PFKL: variants seen among roughly 807,000 people sequenced by gnomAD.
PFKL encodes the protein ATP-dependent 6-phosphofructokinase, liver type.
Under a neutral mutation model 92.1 loss-of-function variants are expected in PFKL, and 74 were observed. The ratio of observed to expected loss-of-function variants is 0.80; its 90% CI spans 0.67 to 0.97. The LOEUF is 0.97. Ranked by LOEUF, PFKL falls within the 50% of genes least tolerant of loss-of-function variation. The pLI is 0.00. For missense variants in PFKL, 1,028 were observed against 1,116.6 expected (o/e 0.92, Z 1.13); for synonymous variants, 494 against 456.4 (o/e 1.08, Z -1.05).
intron 3 of PFKL, 82 bp downstream of exon 3, chr21:44,311,165 C>T (rs373498176): frequency 4.9e-6 from 5 of 1,027,246 alleles, no homozygotes; most frequent in Non-Finnish European, 7.3e-6. Context: ...CACAGACACA[C>T]ACACAGAGAC....
chr21:44,319,026 G>A (rs918271447), intron 10 of PFKL, among the ~76,000 whole-genome samples: 9 of 152,128 alleles, frequency 5.9e-5, no homozygotes, highest in African/African-American at 1.9e-4. Context: ...AGGCAGAGGC[G>A]AGGGGGCCGG....
chr21:44,307,159 C>T (rs2040974407), intron 2 of PFKL: 2 of 449,674 alleles, frequency 4.4e-6, no homozygotes, highest in African/African-American at 2.1e-5. Context: ...ACCTCACCGC[C>T]TCTGCCCTTG....
intron 7 of PFKL, 71 bp downstream of exon 7, chr21:44,314,092 G>A (rs2047132418): frequency 1.0e-6 from 1 of 983,388 alleles, no homozygotes; most frequent in Non-Finnish European, 1.6e-6. Context: ...GGGGTTTTGG[G>A]ACCAGCCTTG....
chr21:44,325,847 G>C (rs2047491416), intron 19 of PFKL, 114 bp from the exon 20 acceptor site: 1 of 684,114 alleles, frequency 1.5e-6, no homozygotes, highest in African/African-American at 1.8e-5. Context: ...TGGAAGGAAT[G>C]GGTGTTCACA....
chr21:44,312,886 A>G, intron 4 of PFKL, 92 bp from the exon 5 acceptor site: 1 of 1,386,542 alleles, frequency 7.2e-7, no homozygotes, highest in Non-Finnish European at 1.0e-6. Context: ...CACGCCTGGG[A>G]TGCGGGGGAA....
rs78933036 is a variant in PFKL at position 44,325,635 on chromosome 21, G to T, written c.1990-326G>T. ...CTGGGGTTTTCTGAGCCAGGGAGGG[G>T]AGTCAGGGTGGCTGGGCATGGGGCC... On this transcript the variant is annotated intron_variant, in intron 19 of 21. Coordinates refer to ENST00000349048, the MANE Select transcript of PFKL (RefSeq NM_002626.6). 1,591 of 492,456 alleles carry T rather than the reference G, an allele frequency of 3.2e-3. 19 individuals are homozygous for T. The highest frequency in any genetic ancestry group is 0.027 in the African/African-American group (1,386 of 52,084). The allele number at this position is 492,456 out of a possible 1,614,324, so 30.5% of individuals were successfully genotyped here.
At chr21:44,305,451 G>A in intron 1 of PFKL, 1 of 1,300,310 alleles carries the variant, frequency 7.7e-7, no homozygotes, top group Non-Finnish European at 1.0e-6. Flanking sequence ...GTACAGGGGG[G>A]TGGGAGGGCA....
intron 2 of PFKL, chr21:44,307,347 TTGCGCTCACACA>T: frequency 1.0e-6 from 1 of 979,568 alleles, no homozygotes; most frequent in Non-Finnish European, 1.2e-6. Context: ...ACACCCACAC[TTGCGCTCACACA>T]TGTGCACACA....
At position 44,312,171 on chromosome 21, in the gene PFKL, G is replaced by A; in HGVS notation, c.304G>A (p.Ala102Thr). Residue 102 changes from alanine (A) to threonine (T), a missense_variant, in exon 4 of 22, where the codon GCC becomes ACC. Physicochemically the swap from Ala to Thr is moderately conservative, Grantham distance 58 (BLOSUM62 0). Coordinates refer to ENST00000349048, the MANE Select transcript of PFKL (RefSeq NM_002626.6). ...FTTREGRRAA[A>T]YNLVQHGITN... ...CACCAGGGAGGGGCGCCGGGCAGCG[G>A]CCTACAACCTGGTCCAGCACGGCAT... 6.3e-7 allele frequency: 1 copy of A among 1,599,204 alleles called. No individual in the cohort carries two copies. The highest frequency in any genetic ancestry group is 8.5e-7 in the Non-Finnish European group (1 of 1,173,786).
intron 1 of PFKL, chr21:44,305,936 G>A (rs534184894): frequency 2.2e-6 from 3 of 1,359,596 alleles, no homozygotes; most frequent in African/African-American, 3.0e-5. Context: ...AGGCTGGGGG[G>A]TGAGGGTCCC....
intron 7 of PFKL, 131 bp downstream of exon 7, chr21:44,314,152 T>G: frequency 3.0e-6 from 2 of 676,270 alleles, no homozygotes; most frequent in Non-Finnish European, 5.1e-6. Flanking sequence ...AGGTGCCCCT[T>G]GGGGGCGGGA....
chr21:44,308,695 G>A (rs1263697758), intron 2 of PFKL, among the ~76,000 whole-genome samples: 1 of 151,736 alleles, frequency 6.6e-6, no homozygotes, highest in Non-Finnish European at 1.5e-5. Context: ...CTGAGTAGCT[G>A]GGATTACAGG....
chr21:44,306,689 G>T lies in PFKL; in HGVS notation c.94G>T (p.Ala32Ser). Residue 32 changes from alanine (A) to serine (S), a missense_variant, in exon 2 of 22, where the codon GCT (alanine) becomes TCT (serine). By Grantham distance (99) the Ala-to-Ser change is moderately conservative. Transcript: ENST00000349048. ...TGCCCTGACCTCCACAGGCATGAACGCTGCTGTCCGGGCTGTGACGCGCAT... is the reference window on the plus strand; with the variant it reads ...TGCCCTGACCTCCACAGGCATGAACTCTGCTGTCCGGGCTGTGACGCGCAT... ...TSGGDAQGMNAAVRAVTRMGI... is the reference protein window; with the variant it reads ...TSGGDAQGMNSAVRAVTRMGI... The T allele has an allele frequency of 1.2e-6, 2 of 1,613,630 alleles. No homozygotes were observed. Among genetic ancestry groups the T allele is most frequent in the Non-Finnish European group, 1.7e-6 (2 of 1,179,844 alleles).
At chr21:44,305,711 T>G in intron 1 of PFKL, 1 of 1,245,482 alleles carries the variant, frequency 8.0e-7, no homozygotes. Context: ...GGATATCTTT[T>G]GAGATGGGGG....
At chr21:44,325,064 C>G (rs2047463153) in intron 18 of PFKL, 89 bp from the exon 19 acceptor site, 1 of 1,199,556 alleles carries the variant, frequency 8.3e-7, no homozygotes, top group Non-Finnish European at 1.2e-6. Context: ...GCTGCCACTC[C>G]CTCTCCCAGG....
chr21:44,320,201 G>A (rs1001980515), intron 12 of PFKL, 54 bp downstream of exon 12: 4 of 1,498,422 alleles, frequency 2.7e-6, no homozygotes, highest in South Asian at 1.1e-5. Context: ...TTATTCTGCA[G>A]CCTCTTCACG....
chr21:44,300,805 G>T (rs2040753276), intron 1 of PFKL, among the ~76,000 whole-genome samples: 1 of 152,368 alleles, frequency 6.6e-6, no homozygotes, highest in Admixed American at 6.5e-5. Flanking sequence ...GGTGGGGACT[G>T]GGACTTGGCA....
At chr21:44,315,705 T>TC (rs1283501824) in intron 7 of PFKL, 2 of 169,486 alleles carry the variant, frequency 1.2e-5, no homozygotes, top group Non-Finnish European at 2.6e-5. Flanking sequence ...GGATGGTGTG[T>TC]CCTATGTGCA....
At position 44,316,756 on chromosome 21, in the gene PFKL, T is replaced by G. The variant is rs373095643; in HGVS notation, c.936+232T>G. Among the ~76,000 whole-genome samples the G allele has an allele frequency of 2.0e-3, 300 of 151,918 alleles. 1 individual carries two copies. Among genetic ancestry groups the G allele is most frequent in the African/African-American group, 6.8e-3 (282 of 41,436 alleles). On this transcript the variant is annotated intron_variant, in intron 9 of 21. Coordinates refer to ENST00000349048, the MANE Select transcript of PFKL (RefSeq NM_002626.6). ...GTGTGGCAGTGTGTGTGGGTGTGTG[T>G]CAGTGTGGGTGTGTGTGGGTGTTCC...
Sources: allele counts gnomAD v4.1 joint callset (sites outside exome capture counted in the v4.1 genomes callset), GRCh38; gene constraint gnomAD v4.1.1; transcripts MANE v1.5; gene names NCBI Gene and HGNC (gene_info 2026-07-23, HGNC 2026-07-21).